The following ZNF623 variants were observed in gnomAD, a reference collection of about 807,000 sequenced individuals.
ZNF623 encodes the protein zinc finger protein 623.
A neutral mutation model predicts 24.0 loss-of-function variants in ZNF623; 16 were observed. The ratio of observed to expected loss-of-function variants is 0.67; its 90% confidence interval spans 0.45 to 1.01. The LOEUF is 1.01. Ranked by LOEUF, ZNF623 falls within the 50% of genes least tolerant of loss-of-function variation. ZNF623 has a pLI of 0.00. For synonymous variants in ZNF623, 224 were observed against 219.8 expected (o/e 1.02, Z -0.17); for missense variants, 566 against 606.5 (o/e 0.93, Z 0.70).
intron 1 of ZNF623, 98 bp downstream of exon 1, chr8:143,636,243 A>G (rs1814917358): frequency 6.6e-6 from 1 of 151,860 alleles, no homozygotes; most frequent in Admixed American, 6.5e-5. Flanking sequence ...GTCCGCCGAG[A>G]GGGCCGGGCG....
intron 1 of ZNF623, among the ~76,000 whole-genome samples, chr8:143,641,092 C>G (rs1815040613): frequency 6.6e-6 from 1 of 152,118 alleles, no homozygotes. Flanking sequence ...GCTTCCTCCA[C>G]TGAAGTCTCA....
At chr8:143,637,315 C>G (rs1814947570) in intron 1 of ZNF623, among the ~76,000 whole-genome samples, 11 of 152,164 alleles carry the variant, frequency 7.2e-5, no homozygotes, top group Admixed American at 7.2e-4. Flanking sequence ...TTCTGCTTTT[C>G]CTGTTTCCTG....
chr8:143,640,941 TAAAAAAAAAAAAAA>T (rs57279986), intron 1 of ZNF623, among the ~76,000 whole-genome samples: 1 of 65,550 alleles, frequency 1.5e-5, no homozygotes, highest in African/African-American at 5.6e-5. Flanking sequence ...ACTCTGTCTT[TAAAAAAAAAAAAAA>T]AAAAAAAAAA....
chr8:143,651,412 T>C lies in ZNF623; in HGVS notation c.1420T>C (p.Ser474Pro), dbSNP rs1259097622. 2 of 1,613,482 alleles carry C rather than the reference T, an allele frequency of 1.2e-6. No individual in the cohort carries two copies. Among genetic ancestry groups the C allele is most frequent in the Admixed American group, 1.7e-5 (1 of 59,864 alleles). ...NNQRVHQEGL[S>P]LSKAPIHLGE... ...TCAAAGGGTTCACCAAGAGGGACTC[T>C]CCTTGAGTAAGGCCCCCATACATTT... Residue 474 changes from serine (S) to proline (P), a missense_variant, in exon 2 of 2, where the codon TCC becomes CCC. Ser to Pro is a moderately conservative substitution (Grantham distance 74). Around this residue, in one of 3 missense-constraint regions of ZNF623, gnomAD observed 136 missense variants for 131.9 expected, o/e 1.03. Transcript: ENST00000526926.
intron 1 of ZNF623, among the ~76,000 whole-genome samples, chr8:143,642,726 C>T (rs1216199566): frequency 6.6e-6 from 1 of 152,020 alleles, no homozygotes; most frequent in African/African-American, 2.4e-5. Context: ...GGGGAACAGC[C>T]GGTTGGTGGT....
intron 1 of ZNF623, among the ~76,000 whole-genome samples, chr8:143,644,299 T>A (rs7013332): frequency 0.25 from 37,532 of 152,158 alleles, 4,824 homozygotes; most frequent in East Asian, 0.34. Flanking sequence ...ATTACAGGCA[T>A]GAGCCGCTGT....
chr8:143,650,544 GCACCAGAGAGTTCA>G lies in ZNF623; in HGVS notation c.563_576del (p.Val188GlufsTer4), dbSNP rs1815277530. 1 of 1,614,084 alleles carries G rather than the reference GCACCAGAGAGTTCA, an allele frequency of 6.2e-7. No homozygotes were observed. Among genetic ancestry groups the G allele is most frequent in the Admixed American group, 1.7e-5 (1 of 59,990 alleles). On this transcript the variant is annotated frameshift_variant, in exon 2 of 2. Coordinates refer to ENST00000526926, the MANE Select transcript of ZNF623 (RefSeq NM_001261843.2). LOFTEE classifies it high-confidence loss of function. The surrounding 1 kb of genome is among the most constrained non-coding windows in gnomAD (Gnocchi z 5.2). ...TTTGTCACAGTTCAGACCTGATTAG[GCACCAGAGAGTTCA>G]CACCAGAGAGAGACCTTTTGAATGC...
chr8:143,647,697 G>C (rs1563700339), intron 1 of ZNF623, among the ~76,000 whole-genome samples: 1 of 152,238 alleles, frequency 6.6e-6, no homozygotes, highest in Non-Finnish European at 1.5e-5. Flanking sequence ...GGCCAGAGTA[G>C]GGGATGGGAA....
intron 1 of ZNF623, among the ~76,000 whole-genome samples, chr8:143,638,379 T>C (rs1159336940): frequency 6.7e-6 from 1 of 149,146 alleles, no homozygotes; most frequent in Non-Finnish European, 1.5e-5. Context: ...TTAAAAAAAT[T>C]ATGAAAATTA....
At chr8:143,646,119 A>G (rs1815171107) in intron 1 of ZNF623, among the ~76,000 whole-genome samples, 1 of 151,936 alleles carries the variant, frequency 6.6e-6, no homozygotes, top group Non-Finnish European at 1.5e-5. Context: ...ATGGCTTACT[A>G]CAGCCTCAAA....
intron 1 of ZNF623, among the ~76,000 whole-genome samples, chr8:143,639,626 AT>A (rs1815005969): frequency 1.3e-5 from 2 of 152,188 alleles, no homozygotes; most frequent in Admixed American, 6.5e-5. Flanking sequence ...AAGTGCTGTG[AT>A]TACAGGTGTG....
intron 1 of ZNF623, among the ~76,000 whole-genome samples, chr8:143,645,482 C>T (rs966358932): frequency 1.5e-4 from 23 of 152,102 alleles, no homozygotes; most frequent in African/African-American, 4.8e-4. Context: ...AAAGTGCAGG[C>T]GCCAAGAAAG....
chr8:143,638,340 T>C (rs377720341), intron 1 of ZNF623, among the ~76,000 whole-genome samples: 5 of 136,882 alleles, frequency 3.7e-5, no homozygotes, highest in East Asian at 2.1e-4. Context: ...GATTCCGTCT[T>C]AAAAAAAAAA....
At chr8:143,646,645 G>T (rs1302994471) in intron 1 of ZNF623, among the ~76,000 whole-genome samples, 1 of 151,918 alleles carries the variant, frequency 6.6e-6, no homozygotes, top group Non-Finnish European at 1.5e-5. Context: ...AAATTGAGTT[G>T]CCTGTTAGAA....
chr8:143,637,490 G>T (rs564530951), intron 1 of ZNF623, among the ~76,000 whole-genome samples: 63 of 152,278 alleles, frequency 4.1e-4, no homozygotes, highest in African/African-American at 1.1e-3. Context: ...GAGCTGCTGT[G>T]GCTGCTGATG....
chr8:143,650,108 A>G lies in ZNF623; in HGVS notation c.116A>G (p.Lys39Arg). ...GSSPSQDRGC[K>R]QVTVTHWKIQ... ...TCCCCCTCTCAGGACAGGGGCTGCAAGCAGGTGACAGTGACCCATTGGAAG... is the reference window on the plus strand; with the variant it reads ...TCCCCCTCTCAGGACAGGGGCTGCAGGCAGGTGACAGTGACCCATTGGAAG... Residue 39 changes from lysine (K) to arginine (R), a missense_variant, in exon 2 of 2, where the codon AAG (lysine) becomes AGG (arginine). Physicochemically the swap from Lys to Arg is conservative, Grantham distance 26. Around this residue, in one of 3 missense-constraint regions of ZNF623, gnomAD observed 313 missense variants for 300.4 expected, o/e 1.04. Coordinates refer to ENST00000526926, the MANE Select transcript of ZNF623 (RefSeq NM_001261843.2). The surrounding 1 kb of genome is among the most constrained non-coding windows in gnomAD (Gnocchi z 5.2). The G allele has an allele frequency of 1.9e-6, 3 of 1,614,202 alleles. No homozygotes were observed. The highest frequency in any genetic ancestry group is 2.2e-5 in the East Asian group (1 of 44,880).
rs147123179 is a variant in ZNF623 at position 143,650,850 on chromosome 8, A to G, written c.858A>G (p.Lys286=). 286 of 1,614,014 alleles carry G rather than the reference A, an allele frequency of 1.8e-4. No individual in the cohort carries two copies. Among genetic ancestry groups the G allele is most frequent in the Non-Finnish European group, 2.2e-4 (255 of 1,180,022 alleles). ...CCTTTGAATGCAATGAGTGTGGGAA[A>G]GCCTTTATTCGGAGTTCAAAGCTCA... ...ERPFECNECG[K]AFIRSSKLIQ... is the part of the protein sequence containing the mutation. Residue 286 remains lysine, a synonymous_variant, in exon 2 of 2, where the codon AAA becomes AAG. Transcript: ENST00000526926. The surrounding 1 kb of genome is among the most constrained non-coding windows in gnomAD (Gnocchi z 5.2).
chr8:143,645,707 A>G (rs1001804761), intron 1 of ZNF623, among the ~76,000 whole-genome samples: 1 of 152,112 alleles, frequency 6.6e-6, no homozygotes, highest in Non-Finnish European at 1.5e-5. Flanking sequence ...AGATGTGTCC[A>G]TTAGGTGAAT....
Position 143,650,318 on chromosome 8 carries a change from A to T in ZNF623, c.326A>T (p.Lys109Ile), listed in dbSNP as rs150073213. 5.7e-3 allele frequency: 9,245 copies of T among 1,614,214 alleles called. 33 individuals are homozygous for T. Among genetic ancestry groups the T allele is most frequent in the Non-Finnish European group, 7.0e-3 (8,305 of 1,180,048 alleles). The change falls in exon 2 of 2, where the codon AAA becomes ATA. Residue 109 changes from lysine (K) to isoleucine (I), a missense_variant. This residue lies in a region of ZNF623 where 313 missense variants were observed against 300.4 expected (regional missense o/e 1.04). Transcript: ENST00000526926. This position sits in a 1 kb window ranked among gnomAD's most constrained non-coding sequence, Gnocchi z 5.2. ...CATCGGATTTCGCATGCTGGGGAGA[A>T]ACCTTACACGTGCGATCAGTGTGGG... ...VRHRISHAGEKPYTCDQCGKG... is the reference protein window; with the variant it reads ...VRHRISHAGEIPYTCDQCGKG...
Sources: gnomAD v4.1 joint callset for allele counts (sites outside exome capture counted in the v4.1 genomes callset) on GRCh38, gnomAD v4.1.1 for gene constraint, gnomAD v4.1.1 regional missense constraint, Gnocchi (gnomAD v3.1) non-coding constraint, MANE v1.5 for transcripts, NCBI Gene and HGNC (gene_info 2026-07-23, HGNC 2026-07-21) for gene names.